IL1RAPL1: variants seen among roughly 807,000 people sequenced by gnomAD.
The protein encoded by IL1RAPL1 is interleukin-1 receptor accessory protein-like 1.
A neutral mutation model predicts 48.4 loss-of-function variants in IL1RAPL1; 3 were observed. The observed-to-expected ratio is 0.06, with a 90% CI of 0.03 to 0.16. The LOEUF is 0.16. IL1RAPL1 is among the 10% of genes least tolerant of loss of function. The pLI is 1.00. For synonymous variants in IL1RAPL1, 185 were observed against 187.7 expected (o/e 0.99, Z 0.12); for missense variants, 349 against 530.6 (o/e 0.66, Z 3.36).
At chrX:29,343,825 C>T (rs776258386) in intron 3 of IL1RAPL1, among the ~76,000 whole-genome samples, 2 of 111,040 alleles carry the variant, frequency 1.8e-5, no homozygotes, top group Non-Finnish European at 3.8e-5. Context: ...TAGTGAGAAA[C>T]TCTTCTTAAT....
At chrX:29,149,054 G>A (rs1929407736) in intron 2 of IL1RAPL1, among the ~76,000 whole-genome samples, 1 of 110,513 alleles carries the variant, frequency 9.0e-6, no homozygotes, top group Non-Finnish European at 1.9e-5. Flanking sequence ...ATTTAGACCA[G>A]AAGAGACCAA....
chrX:28,898,523 C>T (rs1306332948), intron 2 of IL1RAPL1, among the ~76,000 whole-genome samples: 1 of 110,988 alleles, frequency 9.0e-6, no homozygotes, highest in Non-Finnish European at 1.9e-5. Context: ...CTATGTTGCC[C>T]AGGCTGATCT....
At chrX:28,616,467 C>G (rs772420705) in intron 1 of IL1RAPL1, among the ~76,000 whole-genome samples, 148 of 108,572 alleles carry the variant, frequency 1.4e-3, no homozygotes, top group African/African-American at 4.9e-3. Flanking sequence ...GCGTTTCACT[C>G]TTGTCACCCG....
At chrX:29,802,795 A>ATG (rs1443742022) in intron 6 of IL1RAPL1, among the ~76,000 whole-genome samples, 3 of 51,467 alleles carry the variant, frequency 5.8e-5, no homozygotes, top group African/African-American at 4.0e-4. Context: ...GTGTGTGTAT[A>ATG]TATATATATA....
At chrX:28,838,685 A>G (rs1239412186) in intron 2 of IL1RAPL1, among the ~76,000 whole-genome samples, 1 of 110,939 alleles carries the variant, frequency 9.0e-6, no homozygotes, top group Non-Finnish European at 1.9e-5. Flanking sequence ...GGCAATTGCA[A>G]ACAATACCAG....
chrX:28,811,530 C>A (rs1435903938), intron 2 of IL1RAPL1, among the ~76,000 whole-genome samples: 1 of 110,389 alleles, frequency 9.1e-6, no homozygotes, highest in Non-Finnish European at 1.9e-5. Context: ...ATTAGGAGTA[C>A]AGATAGACCC....
At chrX:29,157,811 C>T (rs2147502947) in intron 2 of IL1RAPL1, among the ~76,000 whole-genome samples, 1 of 111,606 alleles carries the variant, frequency 9.0e-6, no homozygotes, top group East Asian at 2.8e-4. Context: ...GATTTTAGCT[C>T]AGTGACTAGT....
chrX:29,129,163 C>T (rs896975407), intron 2 of IL1RAPL1, among the ~76,000 whole-genome samples: 9 of 108,581 alleles, frequency 8.3e-5, no homozygotes, highest in Non-Finnish European at 1.1e-4. Context: ...CCTGCCTCAG[C>T]CTGCCAAGTA....
rs781584760 is a variant in IL1RAPL1, at chrX:29,058,128, C to T, written c.83-224810C>T. ...CAGTGGCTCACGCTTATAATCCCAG[C>T]ACTTTGGGAGGCTGAGGTGGGCGGA... is the stretch of plus-strand genomic sequence containing the variant. On this transcript the variant is annotated intron_variant, in intron 2 of 10. Transcript: ENST00000378993. 4.7e-3 allele frequency among the ~76,000 whole-genome samples: 526 copies of T among 111,041 alleles called. 3 individuals are homozygous for T. The highest frequency in any genetic ancestry group is 0.016 in the African/African-American group (479 of 30,529).
At chrX:29,783,590 T>C (rs749317165) in intron 6 of IL1RAPL1, among the ~76,000 whole-genome samples, 2 of 111,843 alleles carry the variant, frequency 1.8e-5, no homozygotes, top group South Asian at 7.5e-4. Flanking sequence ...AAAATCATAA[T>C]GTCTAGAAAG....
At chrX:29,831,101 T>C (rs1157304187) in intron 6 of IL1RAPL1, among the ~76,000 whole-genome samples, 2 of 111,903 alleles carry the variant, frequency 1.8e-5, no homozygotes, top group African/African-American at 6.5e-5. Context: ...CTGTATTCTC[T>C]GTGAATAGTG....
chrX:29,045,938 T>TCC (rs1569225884), intron 2 of IL1RAPL1, among the ~76,000 whole-genome samples: 36 of 39,747 alleles, frequency 9.1e-4, no homozygotes, highest in African/African-American at 4.7e-3. Context: ...CTCCTCCTCC[T>TCC]TCTTCCTCCT....
At chrX:29,696,805 T>G (rs766971634) in intron 6 of IL1RAPL1, among the ~76,000 whole-genome samples, 13 of 111,085 alleles carry the variant, frequency 1.2e-4, no homozygotes, top group Non-Finnish European at 2.3e-4. Context: ...TTTTTTAAAT[T>G]GGTAGAGAGA....
At chrX:29,591,706 C>A (rs747007110) in intron 5 of IL1RAPL1, among the ~76,000 whole-genome samples, 1 of 112,709 alleles carries the variant, frequency 8.9e-6, no homozygotes, top group Non-Finnish European at 1.9e-5. Context: ...GGGAAGGAGA[C>A]AGATGCAGCT....
intron 2 of IL1RAPL1, among the ~76,000 whole-genome samples, chrX:28,868,864 A>G (rs1922140071): frequency 8.9e-6 from 1 of 112,041 alleles, no homozygotes; most frequent in African/African-American, 3.2e-5. Flanking sequence ...ATCCTCTTAT[A>G]CCATTAAATT....
At chrX:28,820,445 C>T (rs913747271) in intron 2 of IL1RAPL1, among the ~76,000 whole-genome samples, 2 of 111,142 alleles carry the variant, frequency 1.8e-5, no homozygotes, top group Non-Finnish European at 1.9e-5. Flanking sequence ...ACCTGAGCAT[C>T]AGTGACATAT....
intron 2 of IL1RAPL1, among the ~76,000 whole-genome samples, chrX:28,799,306 T>C (rs892798337): frequency 4.5e-5 from 5 of 112,204 alleles, no homozygotes; most frequent in African/African-American, 1.3e-4. Context: ...GAGGATAGAA[T>C]ATGAGGGATT....
chrX:29,276,093 C>T (rs1399279688), intron 2 of IL1RAPL1, among the ~76,000 whole-genome samples: 1 of 111,933 alleles, frequency 8.9e-6, no homozygotes, highest in East Asian at 2.8e-4. Context: ...AACAGGCCTT[C>T]CCTGTGAGGC....
intron 2 of IL1RAPL1, among the ~76,000 whole-genome samples, chrX:29,147,909 A>G (rs140688897): frequency 0.011 from 1,268 of 111,986 alleles, 19 homozygotes; most frequent in African/African-American, 0.038. Flanking sequence ...TTTATATTCA[A>G]TGAAGATAAG....
Sources: gnomAD v4.1 joint callset for allele counts (sites outside exome capture counted in the v4.1 genomes callset) on GRCh38, gnomAD v4.1.1 for gene constraint, MANE v1.5 for transcripts, NCBI Gene and HGNC (gene_info 2026-07-23, HGNC 2026-07-21) for gene names.